Variants in TCTN2 observed in about 807,000 individuals in gnomAD.
The protein encoded by TCTN2 is tectonic-2.
TCTN2 carries 66 observed loss-of-function variants against 83.4 expected under a neutral mutation model. The observed-to-expected ratio is 0.79, with a 90% confidence interval of 0.65 to 0.97. The LOEUF is 0.97. Ranked by LOEUF, TCTN2 falls within the 50% of genes least tolerant of loss-of-function variation. The pLI is 0.00. For synonymous variants in TCTN2, 301 were observed against 326.7 expected, an observed-to-expected ratio of 0.92 and a Z score of 0.85; for missense variants, 794 against 858.1, an observed-to-expected ratio of 0.93 and a Z score of 0.93.
At chr12:123,683,409 C>T (rs11614659) in intron 5 of TCTN2, among the ~76,000 whole-genome samples, 62,896 of 150,428 alleles carry the variant, frequency 0.42, 14,065 homozygotes, top group African/African-American at 0.56. Context: ...CCTCCCAAAG[C>T]GATGGGATTA....
intron 13 of TCTN2, 141 bp downstream of exon 13, chr12:123,697,339 G>A (rs1468402440): frequency 2.8e-6 from 2 of 718,542 alleles, no homozygotes; most frequent in Non-Finnish European, 5.0e-6. Flanking sequence ...ATACAGACAT[G>A]TAATACAATT....
rs907136969 is a variant in TCTN2, at chr12:123,684,270, T to G, written c.565-2566T>G. On this transcript the variant is annotated intron_variant, in intron 5 of 17. Coordinates refer to ENST00000303372, the MANE Select transcript of TCTN2 (RefSeq NM_024809.5). The stretch of plus-strand genomic sequence containing the variant: ...TTGGTTTTTTTGGTTGTTGTTTTGT[T>G]TTGTTTCCTTTTGTGGTGAAAGCAC... 2.6e-5 allele frequency among the ~76,000 whole-genome samples: 4 copies of G among 152,134 alleles called. No homozygotes were observed. In the East Asian group the frequency reaches 7.7e-4, roughly 29 times the overall value.
At chr12:123,704,734 A>AGTT in intron 15 of TCTN2, 46 bp downstream of exon 15, 1 of 1,599,972 alleles carries the variant, frequency 6.3e-7, no homozygotes, top group South Asian at 1.1e-5. Flanking sequence ...GAGTCAGGAA[A>AGTT]GTTGAGAGCA....
In TCTN2 at chr12:123,708,042, T is replaced by TCACA; in HGVS notation, c.*330_*331insACAC. 3.4e-6 allele frequency: 1 copy of TCACA among 297,644 alleles called. No homozygotes were observed. 18.4% of individuals were successfully genotyped at this position (297,644 alleles called of 1,614,324 possible). On this transcript the variant is annotated 3_prime_UTR_variant, in exon 18 of 18. Coordinates refer to ENST00000303372, the MANE Select transcript of TCTN2 (RefSeq NM_024809.5). ...TTTTTTTTTTTTTTGAGGCGGGGTC[T>TCACA]CTGTCACCCAGGCTGGAGTGCAGTG...
Position 123,704,574 on chromosome 12 carries a change from G to A in TCTN2, c.1655G>A (p.Ser552Asn), listed in dbSNP as rs184121410. ...PDPGADPLAS[S>N]VNGMCLDIPA... Reference sequence around the variant, plus strand: ...CCAGGTGCAGACCCGCTGGCTAGCAGTGTGAACGGCATGTGCCTGGATATT... The same window carrying A: ...CCAGGTGCAGACCCGCTGGCTAGCAATGTGAACGGCATGTGCCTGGATATT... The change falls in exon 15 of 18, where the codon AGT becomes AAT. Residue 552 changes from serine (S) to asparagine (N), a missense_variant. Transcript: ENST00000303372. 14 of 1,613,660 alleles carry A rather than the reference G, an allele frequency of 8.7e-6. No homozygotes were observed. Among genetic ancestry groups the A allele is most frequent in the Middle Eastern group, 1.7e-4 (1 of 6,056 alleles).
intron 5 of TCTN2, among the ~76,000 whole-genome samples, chr12:123,682,584 C>T (rs565430282): frequency 2.6e-5 from 4 of 152,080 alleles, no homozygotes; most frequent in South Asian, 4.2e-4. Flanking sequence ...CAGGTTCAAG[C>T]GATTCTCCTG....
In TCTN2 at chr12:123,693,136, C is replaced by T. The variant is rs1956065325; in HGVS notation, c.1099+413C>T. Among the ~76,000 whole-genome samples, 9 of 143,522 alleles carry T rather than the reference C, an allele frequency of 6.3e-5. No individual in the cohort carries two copies. In the South Asian group the frequency reaches 2.0e-3, roughly 31 times the overall value. 94.2% of individuals were successfully genotyped at this position (143,522 alleles called of 152,430 possible). A position where few individuals can be genotyped will look rare whatever the true frequency, so the allele number is the denominator to read the frequency against. On this transcript the variant is annotated intron_variant, in intron 9 of 17. Transcript: ENST00000303372. ...CCGCCTCCTGAGTTCAAGTGATTCTCCTGCCTCAGCCCCCTGAGTAGCTGG... is the reference window on the plus strand; with the variant it reads ...CCGCCTCCTGAGTTCAAGTGATTCTTCTGCCTCAGCCCCCTGAGTAGCTGG...
At position 123,706,844 on chromosome 12, in the gene TCTN2, CT is replaced by C. The variant is rs756074036; in HGVS notation, c.1889del (p.Leu630ArgfsTer88). On this transcript the variant is annotated frameshift_variant, in exon 16 of 18. Coordinates refer to ENST00000303372, the MANE Select transcript of TCTN2 (RefSeq NM_024809.5). LOFTEE classifies it high-confidence loss of function. The stretch of plus-strand genomic sequence containing the variant: ...AATTCCTGCACAGTTACCCCACCCC[CT>C]GACAAGGTACTCCAGTTGCTCACCT... ...IKIPAQLPHPLTRFQINYTEY... is the reference protein window; with the variant it reads ...IKIPAQLPHPXTRFQINYTEY... 3 of 1,614,056 alleles carry C rather than the reference CT, an allele frequency of 1.9e-6. No individual in the cohort carries two copies. The highest frequency in any genetic ancestry group is 1.3e-5 in the African/African-American group (1 of 74,928).
Position 123,699,790 on chromosome 12 carries a change from A to T in TCTN2, c.1592A>T (p.Asp531Val), listed in dbSNP as rs778868731. 1 of 1,614,084 alleles carries T rather than the reference A, an allele frequency of 6.2e-7. No individual in the cohort carries two copies. Among genetic ancestry groups the T allele is most frequent in the Non-Finnish European group, 8.5e-7 (1 of 1,179,968 alleles). Residue 531 changes from aspartate to valine, a missense_variant, in exon 14 of 18, where the codon GAT (aspartate) becomes GTT (valine). Transcript: ENST00000303372. ...RGNSDYADLS[D>V]GWLEIIRVDA... ...AACTCCGATTACGCTGATCTTAGTG[A>T]TGGCTGGCTCGAAATAATACGTAAG...
At chr12:123,696,327 C>G in intron 11 of TCTN2, 88 bp from the exon 12 acceptor site, 1 of 1,125,612 alleles carries the variant, frequency 8.9e-7, no homozygotes. Flanking sequence ...GTTTTCTTTC[C>G]TTGTGCATGA....
At chr12:123,677,067 A>T (rs1955832809) in intron 4 of TCTN2, among the ~76,000 whole-genome samples, 1 of 151,998 alleles carries the variant, frequency 6.6e-6, no homozygotes, top group Admixed American at 6.6e-5. Context: ...GGTCCCAGCT[A>T]CTTGAGAGGC....
intron 1 of TCTN2, 79 bp from the exon 2 acceptor site, chr12:123,671,428 A>T: frequency 6.3e-7 from 1 of 1,591,396 alleles, no homozygotes; most frequent in South Asian, 1.1e-5. Flanking sequence ...CGACAACGCC[A>T]AAGCAAGCCG....
In TCTN2 at chr12:123,687,582, G is replaced by A. The variant is rs527591610; in HGVS notation, c.765-469G>A. Among the ~76,000 whole-genome samples the A allele has an allele frequency of 3.3e-5, 5 of 152,274 alleles. No individual in the cohort carries two copies. The South Asian group carries it at 6.2e-4, about 19-fold the overall frequency. On this transcript the variant is annotated intron_variant, in intron 6 of 17. Coordinates refer to ENST00000303372, the MANE Select transcript of TCTN2 (RefSeq NM_024809.5). The stretch of plus-strand genomic sequence containing the variant: ...TGAGGCAGGAGAATGGCCTGAACCC[G>A]GGCGGCGGAGCTTGAGCTGAGATCG...
chr12:123,682,090 C>T (rs1048332311), intron 5 of TCTN2, among the ~76,000 whole-genome samples: 1 of 152,194 alleles, frequency 6.6e-6, no homozygotes, highest in African/African-American at 2.4e-5. Context: ...CTCACCTCAG[C>T]TTCCCAAGTG....
At chr12:123,680,329 G>A (rs1300076994) in intron 5 of TCTN2, among the ~76,000 whole-genome samples, 1 of 140,234 alleles carries the variant, frequency 7.1e-6, no homozygotes. Context: ...TCCAGCCTGG[G>A]CAACAAGAGC....
intron 4 of TCTN2, among the ~76,000 whole-genome samples, chr12:123,676,325 T>G (rs1199342118): frequency 1.3e-5 from 2 of 151,562 alleles, no homozygotes; most frequent in African/African-American, 4.9e-5. Context: ...TCCCAGCACT[T>G]TGGGAGGCTG....
intron 4 of TCTN2, 143 bp downstream of exon 4, chr12:123,673,953 G>A (rs1955789166): frequency 1.5e-5 from 12 of 791,722 alleles, no homozygotes; most frequent in Non-Finnish European, 2.1e-5. Flanking sequence ...AGCTGTGATC[G>A]CGCCACTGCG....
chr12:123,704,004 CTTTTTT>C lies in TCTN2; in HGVS notation c.1613-512_1613-507del, dbSNP rs11348520. 5.4e-5 allele frequency among the ~76,000 whole-genome samples: 6 copies of C among 110,184 alleles called. No individual in the cohort carries two copies. The Admixed American group carries it at 5.5e-4, about 10-fold the overall frequency. The allele number at this position is 110,184 out of a possible 152,430, so 72.3% of individuals were successfully genotyped here. ...AGTGACTGGCTAACATACAAGGAAA[CTTTTTT>C]TTTTTTTTTTTTTTTGAGACAGAGT... On this transcript the variant is annotated intron_variant, in intron 14 of 17. Transcript: ENST00000303372.
chr12:123,696,369 T>A (rs771801673), intron 11 of TCTN2, 46 bp from the exon 12 acceptor site: 2 of 1,485,412 alleles, frequency 1.3e-6, no homozygotes, highest in South Asian at 2.3e-5. Flanking sequence ...TAGGGCTTGC[T>A]ATGCTGGAGG....
Sources: gnomAD v4.1 joint callset for allele counts (sites outside exome capture counted in the v4.1 genomes callset) on GRCh38, gnomAD v4.1.1 for gene constraint, MANE v1.5 for transcripts, NCBI Gene and HGNC (gene_info 2026-07-23, HGNC 2026-07-21) for gene names.